The following CASD1 variants were observed in gnomAD, a reference collection of about 807,000 sequenced individuals.
CASD1 encodes N-acetylneuraminate (7)9-O-acetyltransferase.
In CASD1, 41 loss-of-function variants were observed where a neutral mutation model predicts 100.0. That is an observed-to-expected ratio of 0.41 (90% CI 0.32 to 0.53). CASD1 has a LOEUF of 0.53. Ranked by LOEUF, CASD1 falls within the 20% of genes least tolerant of loss-of-function variation. The pLI is 0.25. For missense variants in CASD1, 774 were observed against 948.7 expected (o/e 0.82, Z 2.42); for synonymous variants, 321 against 315.6 (o/e 1.02, Z -0.18).
chr7:94,588,017 T>A, the CASD1 span: 1 of 1,389,008 alleles, frequency 7.2e-7, no homozygotes, highest in Non-Finnish European at 9.3e-7. Context: ...GCATTAATGG[T>A]TCCCTGGCAA....
intron 3 of CASD1, 67 bp from the exon 4 acceptor site, chr7:94,527,095 T>C (rs1794609781): frequency 2.5e-6 from 3 of 1,202,438 alleles, no homozygotes; most frequent in Non-Finnish European, 2.4e-6. Flanking sequence ...TCAAAGCAGC[T>C]AAATGGGGCA....
At chr7:94,550,204 A>G (rs76329004) in intron 14 of CASD1, among the ~76,000 whole-genome samples, 1,733 of 152,290 alleles carry the variant, frequency 0.011, 34 homozygotes, top group African/African-American at 0.04. Flanking sequence ...ATGTAAATCT[A>G]GCACAGCATT....
the CASD1 span, among the ~76,000 whole-genome samples, chr7:94,565,386 C>A: frequency 6.6e-6 from 1 of 152,112 alleles, no homozygotes. Context: ...CTGAACTTAC[C>A]ACCCACTGAA....
chr7:94,574,015 A>G, the CASD1 span, among the ~76,000 whole-genome samples: 4 of 152,178 alleles, frequency 2.6e-5, no homozygotes, highest in Admixed American at 6.5e-5. Context: ...ACTTTTGTTT[A>G]TGTGATTAAT....
At chr7:94,588,292 G>C in the CASD1 span, 1 of 1,067,392 alleles carries the variant, frequency 9.4e-7, no homozygotes, top group African/African-American at 1.7e-5. Context: ...TCAGTGATTA[G>C]TCACAATGGT....
the CASD1 span, among the ~76,000 whole-genome samples, chr7:94,615,047 G>A: frequency 6.6e-6 from 1 of 152,052 alleles, no homozygotes; most frequent in Non-Finnish European, 1.5e-5. Context: ...AAAATTATAG[G>A]AGGGACATCA....
At chr7:94,612,500 A>G in the CASD1 span, among the ~76,000 whole-genome samples, 1 of 152,168 alleles carries the variant, frequency 6.6e-6, no homozygotes, top group Non-Finnish European at 1.5e-5. Context: ...TTATAGTTTT[A>G]TGGCAGTATA....
chr7:94,546,352 A>T (rs10215235), intron 12 of CASD1, among the ~76,000 whole-genome samples: 12,842 of 151,982 alleles, frequency 0.084, 657 homozygotes, highest in East Asian at 0.16. Context: ...CACCCTCAAG[A>T]TCATATCATT....
At chr7:94,582,389 C>A in the CASD1 span, among the ~76,000 whole-genome samples, 2 of 152,186 alleles carry the variant, frequency 1.3e-5, no homozygotes, top group African/African-American at 4.8e-5. Context: ...TCCCAAAGTG[C>A]TGCAATTACA....
At chr7:94,516,100 A>G (rs1368410468) in intron 1 of CASD1, among the ~76,000 whole-genome samples, 1 of 152,018 alleles carries the variant, frequency 6.6e-6, no homozygotes, top group Admixed American at 6.6e-5. Context: ...AAAATGAAGA[A>G]CTAATTATTT....
intron 3 of CASD1, 145 bp from the exon 4 acceptor site, chr7:94,527,017 G>T: frequency 1.6e-6 from 1 of 620,882 alleles, no homozygotes; most frequent in Non-Finnish European, 2.8e-6. Context: ...TCCCTTTCGG[G>T]TTGAATGTAT....
chr7:94,587,920 T>C, the CASD1 span: 7 of 1,455,828 alleles, frequency 4.8e-6, no homozygotes, highest in African/African-American at 1.0e-4. Flanking sequence ...ATAGTTTCCC[T>C]ACCACAATGC....
At chr7:94,588,640 A>G in the CASD1 span, 10 of 1,564,580 alleles carry the variant, frequency 6.4e-6, no homozygotes, top group South Asian at 8.9e-5. Flanking sequence ...TTATCTTTTA[A>G]TCTATTAGAT....
chr7:94,527,048 A>C, intron 3 of CASD1, 114 bp from the exon 4 acceptor site: 1 of 787,658 alleles, frequency 1.3e-6, no homozygotes, highest in Non-Finnish European at 2.1e-6. Flanking sequence ...GATTTGGTGC[A>C]TAAAAATATA....
the CASD1 span, among the ~76,000 whole-genome samples, chr7:94,581,067 G>T: frequency 1.3e-5 from 2 of 152,112 alleles, no homozygotes; most frequent in African/African-American, 4.8e-5. Context: ...TAGACTCAAA[G>T]GCCAATTTTT....
At chr7:94,619,716 G>C in the CASD1 span, 7 of 152,150 alleles carry the variant, frequency 4.6e-5, no homozygotes, top group Admixed American at 4.6e-4. Context: ...TGTGAGGCAG[G>C]CCAAGCTAGG....
rs752560030 is a variant in CASD1 at position 94,551,431 on chromosome 7, A to T, written c.1909A>T (p.Asn637Tyr). The T allele has an allele frequency of 6.5e-7, 1 of 1,535,880 alleles. No homozygotes were observed. The highest frequency in any genetic ancestry group is 8.7e-7 in the Non-Finnish European group (1 of 1,149,590). The stretch of plus-strand genomic sequence containing the variant: ...AGGAAAGGGTGAACCTCTTTTTTCA[A>T]ACAAAATTTCAAATTTTCTGTTGTT... ...SEGKGEPLFSNKISNFLLFIS... is the reference protein window; with the variant it reads ...SEGKGEPLFSYKISNFLLFIS... Residue 637 changes from asparagine (N) to tyrosine (Y), a missense_variant, in exon 15 of 18, where the codon AAC (asparagine) becomes TAC (tyrosine). Transcript: ENST00000297273.
At chr7:94,587,782 A>G in the CASD1 span, 8 of 1,548,096 alleles carry the variant, frequency 5.2e-6, no homozygotes, top group South Asian at 7.3e-5. Context: ...ACTTGCCTCA[A>G]ATCTTTGAAA....
chr7:94,557,314 T>C (rs888782829), downstream of CASD1, among the ~76,000 whole-genome samples: 5 of 152,128 alleles, frequency 3.3e-5, no homozygotes, highest in East Asian at 1.9e-4. Context: ...GACAGAGATG[T>C]GTGTTCTTTC....
Sources: gnomAD v4.1 joint callset for allele counts (sites outside exome capture counted in the v4.1 genomes callset) on GRCh38, gnomAD v4.1.1 for gene constraint, MANE v1.5 for transcripts, NCBI Gene and HGNC (gene_info 2026-07-23, HGNC 2026-07-21) for gene names.